The following DNHD1 variants were observed in gnomAD, a reference collection of about 807,000 sequenced individuals.
The protein encoded by DNHD1 is dynein heavy chain domain-containing protein 1.
In DNHD1, 383 loss-of-function variants were observed where a neutral mutation model predicts 458.1. The observed-to-expected ratio is 0.84, with a 90% CI of 0.77 to 0.91. The LOEUF is 0.91. Among genes scored for constraint, DNHD1 ranks in the 40% least tolerant of loss-of-function variants. The pLI is 0.00. For synonymous variants in DNHD1, 2,203 were observed against 2,376.9 expected (o/e 0.93, Z 2.13); for missense variants, 5,336 against 5,866.1 (o/e 0.91, Z 2.95).
intron 3 of DNHD1, among the ~76,000 whole-genome samples, chr11:6,499,637 G>A (rs1384568218): frequency 1.3e-5 from 2 of 151,894 alleles, no homozygotes; most frequent in African/African-American, 2.4e-5. Context: ...GCATGGTCTC[G>A]GTTCACCGCA....
intron 41 of DNHD1, 63 bp from the exon 42 acceptor site, chr11:6,570,555 C>A (rs1853820900): frequency 8.7e-6 from 13 of 1,501,044 alleles, no homozygotes; most frequent in Non-Finnish European, 1.2e-5. Flanking sequence ...GGAAGGCCTA[C>A]TCTCTCGAGT....
chr11:6,502,140 G>C (rs1255272747), intron 3 of DNHD1, among the ~76,000 whole-genome samples: 1 of 152,218 alleles, frequency 6.6e-6, no homozygotes, highest in African/African-American at 2.4e-5. Context: ...TACCAATTTT[G>C]TTGACCAGAA....
At chr11:6,559,369 T>A in intron 28 of DNHD1, 86 bp downstream of exon 28, 1 of 1,138,844 alleles carries the variant, frequency 8.8e-7, no homozygotes, top group Non-Finnish European at 1.3e-6. Context: ...GAATGAACCT[T>A]AATTCTTGTC....
In DNHD1 at chr11:6,557,088, T is replaced by A. The variant is rs1853478673; in HGVS notation, c.7793T>A (p.Leu2598Gln). ...TCCCTACACTCTGTGAGCCACCTAC[T>A]GAGCAGCCTGCAGCTGCTGCCCAAC... is the stretch of plus-strand genomic sequence containing the variant. ...HFSLHSVSHLLSSLQLLPNRT... is the reference protein window; with the variant it reads ...HFSLHSVSHLQSSLQLLPNRT... Residue 2598 changes from leucine (L) to glutamine (Q), a missense_variant, in exon 25 of 43, where the codon CTG becomes CAG. Transcript: ENST00000254579. 1 of 1,551,604 alleles carries A rather than the reference T, an allele frequency of 6.4e-7. No individual in the cohort carries two copies. Among genetic ancestry groups the A allele is most frequent in the Non-Finnish European group, 8.7e-7 (1 of 1,147,006 alleles).
chr11:6,540,053 G>A lies in DNHD1; in HGVS notation c.3598G>A (p.Asp1200Asn). 3 of 1,551,706 alleles carry A rather than the reference G, an allele frequency of 1.9e-6. No individual in the cohort carries two copies. Among genetic ancestry groups the A allele is most frequent in the South Asian group, 1.2e-5 (1 of 84,062 alleles). ...CCGCAGCCCCCAATGGGAGGTAGTG[G>A]ACAAAGATAGTGGCACCTTCATCCT... is the stretch of plus-strand genomic sequence containing the variant. ...VLRSPQWEVVDKDSGTFILSD... is the reference protein window; with the variant it reads ...VLRSPQWEVVNKDSGTFILSD... Residue 1200 changes from aspartate to asparagine, a missense_variant, in exon 18 of 43, where the codon GAC becomes AAC. Physicochemically the swap from Asp to Asn is conservative, Grantham distance 23. Around this residue, in one of 4 missense-constraint regions of DNHD1, gnomAD observed 3,932 missense variants for 4,365.6 expected, o/e 0.90. Coordinates refer to ENST00000254579, the MANE Select transcript of DNHD1 (RefSeq NM_144666.3).
chr11:6,498,211 T>A lies in DNHD1; in HGVS notation c.-5T>A. 1.9e-6 allele frequency: 3 copies of A among 1,605,724 alleles called. No homozygotes were observed. The highest frequency in any genetic ancestry group is 1.1e-5 in the South Asian group (1 of 90,398). ...CTTCGACAGCAGTTGAATGCCCAGC[T>A]CCTCATGGTCCCGGAGGAGAGGAGG... On this transcript the variant is annotated 5_prime_UTR_variant, in exon 3 of 43. Coordinates refer to ENST00000254579, the MANE Select transcript of DNHD1 (RefSeq NM_144666.3).
At chr11:6,554,802 G>A (rs1387561924) in intron 24 of DNHD1, among the ~76,000 whole-genome samples, 3 of 152,180 alleles carry the variant, frequency 2.0e-5, no homozygotes, top group Non-Finnish European at 4.4e-5. Flanking sequence ...CTTTGATGGT[G>A]AGAATGTAAA....
chr11:6,502,843 G>C lies in DNHD1; in HGVS notation c.837G>C (p.Gln279His). Residue 279 changes from glutamine to histidine, a missense_variant, in exon 4 of 43, where the codon CAG (glutamine) becomes CAC (histidine). Gln to His is a conservative substitution (Grantham distance 24). Around this residue, in one of 4 missense-constraint regions of DNHD1, gnomAD observed 3,932 missense variants for 4,365.6 expected, o/e 0.90. Transcript: ENST00000254579. ...FSPETSFLDSQVMTALKMERY... is the reference protein window; with the variant it reads ...FSPETSFLDSHVMTALKMERY... Reference sequence around the variant, plus strand: ...CTGAGACTTCCTTCCTGGATAGCCAGGTGATGACTGCTCTGAAGATGGAGA... The same window carrying C: ...CTGAGACTTCCTTCCTGGATAGCCACGTGATGACTGCTCTGAAGATGGAGA... 1 of 1,613,292 alleles carries C rather than the reference G, an allele frequency of 6.2e-7. No individual in the cohort carries two copies. Among genetic ancestry groups the C allele is most frequent in the Non-Finnish European group, 8.5e-7 (1 of 1,179,684 alleles).
rs1391159237 is a variant in DNHD1 at position 6,563,589 on chromosome 11, G to A, written c.9852+25G>A. On this transcript the variant is annotated intron_variant, in intron 30 of 42. Coordinates refer to ENST00000254579, the MANE Select transcript of DNHD1 (RefSeq NM_144666.3). ...GGTAGGAAGGGTGGAGCACAATGAAGGAGGATAGGGGAGGCATAAAGGGAC... is the reference window on the plus strand; with the variant it reads ...GGTAGGAAGGGTGGAGCACAATGAAAGAGGATAGGGGAGGCATAAAGGGAC... 11 of 1,549,628 alleles carry A rather than the reference G, an allele frequency of 7.1e-6. No homozygotes were observed. The East Asian group carries it at 2.4e-4, about 34-fold the overall frequency.
chr11:6,539,147 C>A, intron 16 of DNHD1, 72 bp from the exon 17 acceptor site: 1 of 1,095,536 alleles, frequency 9.1e-7, no homozygotes, highest in East Asian at 2.6e-5. Context: ...GGGCTGGGCT[C>A]TGGGATATGG....
intron 10 of DNHD1, among the ~76,000 whole-genome samples, chr11:6,525,067 T>C (rs1265322058): frequency 6.6e-6 from 1 of 152,192 alleles, no homozygotes; most frequent in African/African-American, 2.4e-5. Flanking sequence ...GTTTTCATTT[T>C]TTTTGTTTTT....
At chr11:6,499,104 G>C in intron 3 of DNHD1, 143 bp downstream of exon 3, 2 of 937,814 alleles carry the variant, frequency 2.1e-6, no homozygotes, top group Non-Finnish European at 3.0e-6. Context: ...GCTAGTGTGA[G>C]GCTACTTTCC....
rs920176931 is a variant in DNHD1, at chr11:6,564,510, C to T, written c.10462C>T (p.Arg3488Trp). 1.9e-5 allele frequency: 29 copies of T among 1,551,544 alleles called. No individual in the cohort carries two copies. The highest frequency in any genetic ancestry group is 5.5e-5 in the African/African-American group (4 of 73,018). The change falls in exon 32 of 43, where the codon CGG becomes TGG. Residue 3488 changes from arginine to tryptophan, a missense_variant. Transcript: ENST00000254579. Reference protein sequence around the residue: ...GPDDVAQALKRKQKSVSIPPK... With the variant: ...GPDDVAQALKWKQKSVSIPPK... Reference sequence around the variant, plus strand: ...AGATGATGTGGCACAGGCACTGAAGCGGAAGCAAAAATCTGTCAGCATACC... The same window carrying T: ...AGATGATGTGGCACAGGCACTGAAGTGGAAGCAAAAATCTGTCAGCATACC...
intron 24 of DNHD1, among the ~76,000 whole-genome samples, chr11:6,551,487 A>G (rs910148959): frequency 1.1e-4 from 17 of 152,226 alleles, no homozygotes; most frequent in African/African-American, 4.1e-4. Flanking sequence ...AAATAGAAAA[A>G]CATACAAACA....
chr11:6,534,354 G>A (rs1852894485), intron 14 of DNHD1, 181 bp downstream of exon 14: 3 of 666,198 alleles, frequency 4.5e-6, no homozygotes, highest in South Asian at 4.1e-5. Context: ...TATTGACCAT[G>A]GCAGGTGTTG....
In DNHD1 at chr11:6,544,223, G is replaced by T; in HGVS notation, c.3731G>T (p.Trp1244Leu). The change falls in exon 19 of 43, where the codon TGG becomes TTG. Residue 1244 changes from tryptophan (W) to leucine (L), a missense_variant. Trp to Leu is a moderately conservative substitution (Grantham distance 61, BLOSUM62 -2). Transcript: ENST00000254579. Reference protein sequence around the residue: ...SGDLNKIALEWVAIMHGLGAL... With the variant: ...SGDLNKIALELVAIMHGLGAL... Reference sequence around the variant, plus strand: ...GATTTAAACAAAATAGCTTTGGAGTGGGTGGCCATCATGCATGGCCTGGGT... The same window carrying T: ...GATTTAAACAAAATAGCTTTGGAGTTGGTGGCCATCATGCATGGCCTGGGT... 6.4e-7 allele frequency: 1 copy of T among 1,551,562 alleles called. No individual in the cohort carries two copies. Among genetic ancestry groups the T allele is most frequent in the Non-Finnish European group, 8.7e-7 (1 of 1,146,964 alleles).
intron 7 of DNHD1, among the ~76,000 whole-genome samples, chr11:6,514,717 T>C (rs1852422077): frequency 6.6e-6 from 1 of 152,222 alleles, no homozygotes; most frequent in Admixed American, 6.5e-5. Flanking sequence ...TCTTTTTTTA[T>C]AAACATGTAT....
Position 6,512,259 on chromosome 11 carries a change from C to T in DNHD1, c.1392+830C>T, listed in dbSNP as rs563286208. On this transcript the variant is annotated intron_variant, in intron 7 of 42. Coordinates refer to ENST00000254579, the MANE Select transcript of DNHD1 (RefSeq NM_144666.3). The stretch of plus-strand genomic sequence containing the variant: ...TTTTTGAGACGGAGTCTCGCTCTGT[C>T]ACCCAGGCTGGAGTGCAGTGGCGGG... 9.5e-3 allele frequency among the ~76,000 whole-genome samples: 1,087 copies of T among 114,380 alleles called. 32 individuals are homozygous for T. Among genetic ancestry groups the T allele is most frequent in the African/African-American group, 0.036 (1,023 of 28,268 alleles). The allele number at this position is 114,380 out of a possible 152,430, so 75.0% of individuals were successfully genotyped here. A position where few individuals can be genotyped will look rare whatever the true frequency, so the allele number is the denominator to read the frequency against.
intron 3 of DNHD1, among the ~76,000 whole-genome samples, chr11:6,500,997 G>A (rs979944426): frequency 6.6e-6 from 1 of 151,910 alleles, no homozygotes; most frequent in Non-Finnish European, 1.5e-5. Flanking sequence ...GAAAGCATGT[G>A]GGGGGAGTGT....
Sources: gnomAD v4.1 joint callset for allele counts (sites outside exome capture counted in the v4.1 genomes callset) on GRCh38, gnomAD v4.1.1 for gene constraint, gnomAD v4.1.1 regional missense constraint, MANE v1.5 for transcripts, NCBI Gene and HGNC (gene_info 2026-07-23, HGNC 2026-07-21) for gene names.